Variants in SUMF1 observed in about 807,000 individuals in gnomAD.
SUMF1 encodes the protein sulfatase modifying factor 1.
In SUMF1, 48 loss-of-function variants were observed where a neutral mutation model predicts 47.6. That is an observed-to-expected ratio of 1.01 (90% confidence interval 0.80 to 1.28). The LOEUF (loss-of-function observed/expected upper bound fraction) is 1.28. SUMF1 is among the 50% of genes most tolerant of loss of function. SUMF1 has a pLI of 0.00. For synonymous variants in SUMF1, 230 were observed against 192.1 expected, an observed-to-expected ratio of 1.20 and a Z score of -1.63; for missense variants, 571 against 485.4, an observed-to-expected ratio of 1.18 and a Z score of -1.66.
Position 4,051,056 on chromosome 3 carries a change from A to C in SUMF1, c.1191+17513T>G, listed in dbSNP as rs188236365. On this transcript the variant is annotated intron_variant and NMD_transcript_variant, in intron 9 of 12. Transcript: ENST00000448413. Reference sequence around the variant, plus strand: ...AATGACTTGCTGCGCACAACTACCCACATATCCCTGCAATGCGAGTACTCA... The same window carrying C: ...AATGACTTGCTGCGCACAACTACCCCCATATCCCTGCAATGCGAGTACTCA... Among the ~76,000 whole-genome samples, 140 of 151,946 alleles carry C rather than the reference A, an allele frequency of 9.2e-4. 1 individual carries two copies. The highest frequency in any genetic ancestry group is 3.3e-3 in the African/African-American group (136 of 41,442).
Position 4,442,553 on chromosome 3 carries a change from C to G in SUMF1, c.519+6713G>C, listed in dbSNP as rs187858247. ...CTCTTGAAACTGACCTGCCAGGGTT[C>G]CCTTCCAGAATAGAGCCTCACACCA... is the stretch of plus-strand genomic sequence containing the variant. On this transcript the variant is annotated intron_variant, in intron 3 of 8. Transcript: ENST00000272902. 3.2e-4 allele frequency among the ~76,000 whole-genome samples: 45 copies of G among 138,770 alleles called. 1 individual carries two copies. Among genetic ancestry groups the G allele is most frequent in the African/African-American group, 1.2e-3 (45 of 39,022 alleles). The allele number at this position is 138,770 out of a possible 152,430, so 91.0% of individuals were successfully genotyped here.
At chr3:4,158,388 A>G (rs1694501517) in intron 8 of SUMF1, among the ~76,000 whole-genome samples, 1 of 151,526 alleles carries the variant, frequency 6.6e-6, no homozygotes, top group South Asian at 2.1e-4. Context: ...TATCCCGAGA[A>G]TGATCCATGT....
intron 8 of SUMF1, among the ~76,000 whole-genome samples, chr3:4,201,947 GATT>G (rs1695549695): frequency 6.6e-6 from 1 of 151,830 alleles, no homozygotes; most frequent in Non-Finnish European, 1.5e-5. Context: ...TTTTTAATCT[GATT>G]ATTGGATTTT....
intron 8 of SUMF1, among the ~76,000 whole-genome samples, chr3:4,195,303 C>T (rs780933107): frequency 1.3e-5 from 2 of 152,068 alleles, no homozygotes; most frequent in Non-Finnish European, 2.9e-5. Context: ...GTATCAGTAG[C>T]TAGGAGTATG....
intron 8 of SUMF1, among the ~76,000 whole-genome samples, chr3:4,270,651 T>A (rs1449881298): frequency 6.6e-6 from 1 of 152,204 alleles, no homozygotes; most frequent in East Asian, 1.9e-4. Context: ...CATTAAACTT[T>A]GCCTCAGATT....
At chr3:4,316,566 T>C in intron 8 of SUMF1, 1 of 1,554,114 alleles carries the variant, frequency 6.4e-7, no homozygotes, top group Non-Finnish European at 8.7e-7. Context: ...GCTCGATAAG[T>C]GGGTGCCTCA....
At chr3:4,368,228 A>G (rs1404128429) in intron 8 of SUMF1, among the ~76,000 whole-genome samples, 1 of 152,256 alleles carries the variant, frequency 6.6e-6, no homozygotes, top group Non-Finnish European at 1.5e-5. Context: ...CAAAAGACAC[A>G]TGAAAAAATG....
chr3:4,160,430 G>A (rs1475989773), intron 8 of SUMF1, among the ~76,000 whole-genome samples: 2 of 151,922 alleles, frequency 1.3e-5, no homozygotes, highest in Non-Finnish European at 2.9e-5. Flanking sequence ...AGTAGAGATG[G>A]GATTTCACCA....
At chr3:4,072,458 G>C (rs1695551230) in intron 8 of SUMF1, among the ~76,000 whole-genome samples, 1 of 152,092 alleles carries the variant, frequency 6.6e-6, no homozygotes, top group South Asian at 2.1e-4. Context: ...ACCAGCAAGG[G>C]AACAAAACTG....
chr3:4,441,258 C>T (rs1297783982), intron 3 of SUMF1, among the ~76,000 whole-genome samples: 1 of 152,168 alleles, frequency 6.6e-6, no homozygotes, highest in Non-Finnish European at 1.5e-5. Flanking sequence ...GGGTTGCTGG[C>T]TCCTTGTAAG....
intron 8 of SUMF1, among the ~76,000 whole-genome samples, chr3:4,371,918 T>C (rs2130852): frequency 0.66 from 99,939 of 152,092 alleles, 34,860 homozygotes; most frequent in East Asian, 0.78. Context: ...AGATGACATG[T>C]TGCCTCATAG....
intron 8 of SUMF1, among the ~76,000 whole-genome samples, chr3:4,115,439 A>C: frequency 6.6e-6 from 1 of 152,090 alleles, no homozygotes. Flanking sequence ...TGATTAACAC[A>C]AGCAGCCTGA....
At chr3:4,072,222 C>G (rs1171780984) in intron 8 of SUMF1, among the ~76,000 whole-genome samples, 4 of 152,126 alleles carry the variant, frequency 2.6e-5, no homozygotes, top group African/African-American at 9.7e-5. Flanking sequence ...AGAAGGAAAA[C>G]TAACGAATAC....
chr3:4,246,309 G>C (rs976054763), intron 8 of SUMF1, among the ~76,000 whole-genome samples: 1 of 152,028 alleles, frequency 6.6e-6, no homozygotes, highest in Non-Finnish European at 1.5e-5. Context: ...AGGTACCTCA[G>C]TTGGAAATGC....
intron 8 of SUMF1, among the ~76,000 whole-genome samples, chr3:4,274,293 T>C (rs895418173): frequency 2.0e-5 from 3 of 152,074 alleles, no homozygotes; most frequent in Non-Finnish European, 2.9e-5. Flanking sequence ...TTTTACCCAA[T>C]TTCACCAAGA....
intron 8 of SUMF1, among the ~76,000 whole-genome samples, chr3:4,158,492 C>T (rs1694504012): frequency 6.6e-6 from 1 of 151,392 alleles, no homozygotes; most frequent in African/African-American, 2.4e-5. Context: ...AAATTAAGTA[C>T]AATGTTTTTG....
At chr3:4,106,891 C>A (rs533257802) in intron 8 of SUMF1, among the ~76,000 whole-genome samples, 1 of 152,032 alleles carries the variant, frequency 6.6e-6, no homozygotes, top group Non-Finnish European at 1.5e-5. Flanking sequence ...TAAAGCTATA[C>A]CATCAGGTAA....
At chr3:4,463,184 C>G (rs911778841) in intron 1 of SUMF1, among the ~76,000 whole-genome samples, 1 of 152,114 alleles carries the variant, frequency 6.6e-6, no homozygotes, top group African/African-American at 2.4e-5. Flanking sequence ...GAATATCAGA[C>G]AACTACAAAA....
At chr3:4,356,429 ACAGCGTGGGG>A, downstream of SUMF1, among the ~76,000 whole-genome samples, 1 of 151,632 alleles carries the variant, frequency 6.6e-6, no homozygotes, top group Non-Finnish European at 1.5e-5. Flanking sequence ...CAGCGTGGGG[ACAGCGTGGGG>A]ACAGAGGACA....
Sources: gnomAD v4.1 joint callset for allele counts (sites outside exome capture counted in the v4.1 genomes callset) on GRCh38, gnomAD v4.1.1 for gene constraint, MANE v1.5 for transcripts, NCBI Gene and HGNC (gene_info 2026-07-23, HGNC 2026-07-21) for gene names.